The following TAS2R1 variants were observed in gnomAD, a reference collection of about 807,000 sequenced individuals.
TAS2R1 encodes the protein taste receptor type 2 member 1.
For synonymous variants in TAS2R1, 141 were observed against 134.2 expected (o/e 1.05, Z -0.35); for missense variants, 370 against 353.4 (o/e 1.05, Z -0.38).
At chr5:9,759,917 G>C in the TAS2R1 span, among the ~76,000 whole-genome samples, 1 of 152,074 alleles carries the variant, frequency 6.6e-6, no homozygotes, top group Non-Finnish European at 1.5e-5. Flanking sequence ...AAAACCAAAA[G>C]CTGGTTCTTT....
the TAS2R1 span, among the ~76,000 whole-genome samples, chr5:9,736,118 G>C: frequency 6.6e-6 from 1 of 152,218 alleles, no homozygotes; most frequent in African/African-American, 2.4e-5. Context: ...TGTACGGAAA[G>C]TCATAGATTC....
chr5:9,810,826 C>T, the TAS2R1 span, among the ~76,000 whole-genome samples: 1 of 152,140 alleles, frequency 6.6e-6, no homozygotes, highest in Non-Finnish European at 1.5e-5. Flanking sequence ...ATCACCCAGT[C>T]TTCTTCCAAT....
At chr5:9,886,573 A>T in the TAS2R1 span, among the ~76,000 whole-genome samples, 17 of 151,800 alleles carry the variant, frequency 1.1e-4, no homozygotes, top group Non-Finnish European at 1.8e-4. Flanking sequence ...ACCTCAGATG[A>T]TCCGCCCACC....
intron 1 of TAS2R1, among the ~76,000 whole-genome samples, chr5:9,700,760 G>A (rs1741462829): frequency 6.6e-6 from 1 of 152,144 alleles, no homozygotes; most frequent in Non-Finnish European, 1.5e-5. Flanking sequence ...GCCTGTAGAT[G>A]ACCGTCTTCT....
chr5:9,865,712 C>T, the TAS2R1 span, among the ~76,000 whole-genome samples: 140 of 152,322 alleles, frequency 9.2e-4, no homozygotes, highest in African/African-American at 2.8e-3. Context: ...ATCACTTTAA[C>T]GAGATTATTC....
At chr5:9,783,622 G>A in the TAS2R1 span, among the ~76,000 whole-genome samples, 1 of 152,124 alleles carries the variant, frequency 6.6e-6, no homozygotes, top group Non-Finnish European at 1.5e-5. Flanking sequence ...ATTTCCTTTA[G>A]AGTAAAAGAA....
At chr5:9,863,708 G>A in the TAS2R1 span, among the ~76,000 whole-genome samples, 2 of 152,186 alleles carry the variant, frequency 1.3e-5, no homozygotes, top group African/African-American at 4.8e-5. Context: ...CTTCATACAT[G>A]ACTGCCCAAG....
At chr5:9,775,517 C>T in the TAS2R1 span, among the ~76,000 whole-genome samples, 1 of 152,116 alleles carries the variant, frequency 6.6e-6, no homozygotes, top group Admixed American at 6.5e-5. Context: ...CCATAGACAT[C>T]ACAGCTGGAA....
chr5:9,690,113 A>G (rs1192123792), intron 1 of TAS2R1, among the ~76,000 whole-genome samples: 4 of 152,232 alleles, frequency 2.6e-5, no homozygotes, highest in Admixed American at 2.0e-4. Flanking sequence ...CGTGACTAGA[A>G]TCCTCTTCAA....
At chr5:9,868,149 G>A in the TAS2R1 span, among the ~76,000 whole-genome samples, 1 of 152,202 alleles carries the variant, frequency 6.6e-6, no homozygotes, top group Non-Finnish European at 1.5e-5. Context: ...CTACCATTCT[G>A]GGGTTTGGAA....
chr5:9,891,204 A>G, the TAS2R1 span, among the ~76,000 whole-genome samples: 2 of 152,214 alleles, frequency 1.3e-5, no homozygotes, highest in Admixed American at 6.5e-5. Flanking sequence ...GGAAAACAGC[A>G]AATCACAACA....
At chr5:9,751,111 A>G in the TAS2R1 span, among the ~76,000 whole-genome samples, 1 of 150,864 alleles carries the variant, frequency 6.6e-6, no homozygotes, top group Non-Finnish European at 1.5e-5. Context: ...CCTTAAATAT[A>G]AACTAAGGCA....
chr5:9,900,714 G>C, the TAS2R1 span, among the ~76,000 whole-genome samples: 4 of 149,506 alleles, frequency 2.7e-5, no homozygotes, highest in African/African-American at 9.9e-5. Flanking sequence ...TCCGCGTCCC[G>C]GGTTCATGCC....
At chr5:9,670,055 A>G (rs1413426133) in intron 1 of TAS2R1, among the ~76,000 whole-genome samples, 1 of 152,088 alleles carries the variant, frequency 6.6e-6, no homozygotes, top group Non-Finnish European at 1.5e-5. Flanking sequence ...ACAATGAGAA[A>G]TAAAAAGGGG....
Position 9,628,602 on chromosome 5 carries a change from C to T in TAS2R1, c.*531G>A, listed in dbSNP as rs1186715804. ...TGAGGAGAAAGAATGGCTCCACTGCCTGCAACTCCAACAGACAGAACAGAA... is the reference window on the plus strand; with the variant it reads ...TGAGGAGAAAGAATGGCTCCACTGCTTGCAACTCCAACAGACAGAACAGAA... On this transcript the variant is annotated 3_prime_UTR_variant, in exon 1 of 1. Coordinates refer to ENST00000382492, the MANE Select transcript of TAS2R1 (RefSeq NM_019599.3). 2.0e-5 allele frequency among the ~76,000 whole-genome samples: 3 copies of T among 152,128 alleles called. No individual in the cohort carries two copies. Among genetic ancestry groups the T allele is most frequent in the African/African-American group, 7.2e-5 (3 of 41,420 alleles).
chr5:9,842,404 T>G, the TAS2R1 span, among the ~76,000 whole-genome samples: 1 of 138,576 alleles, frequency 7.2e-6, no homozygotes, highest in Admixed American at 7.9e-5. Flanking sequence ...CACTGCAACC[T>G]CCACCTCCCA....
chr5:9,786,533 G>C, the TAS2R1 span, among the ~76,000 whole-genome samples: 1 of 152,270 alleles, frequency 6.6e-6, no homozygotes, highest in Admixed American at 6.5e-5. Context: ...GGTTCTCAAC[G>C]TGGGCTGAGT....
the TAS2R1 span, among the ~76,000 whole-genome samples, chr5:9,755,374 G>A: frequency 1.4e-4 from 21 of 152,014 alleles, no homozygotes; most frequent in African/African-American, 4.6e-4. Context: ...GATTGCCTGA[G>A]CTCAGGAGTT....
chr5:9,893,899 AC>A, the TAS2R1 span, among the ~76,000 whole-genome samples: 1 of 152,214 alleles, frequency 6.6e-6, no homozygotes, highest in Non-Finnish European at 1.5e-5. Flanking sequence ...AAAACACAGT[AC>A]CTAACATGGC....
Sources: gnomAD v4.1 joint callset for allele counts (sites outside exome capture counted in the v4.1 genomes callset) on GRCh38, gnomAD v4.1.1 for gene constraint, MANE v1.5 for transcripts, NCBI Gene and HGNC (gene_info 2026-07-23, HGNC 2026-07-21) for gene names.